Variants in GPATCH8 observed in about 807,000 individuals in gnomAD.
GPATCH8 encodes G-patch domain containing 8, also known as G patch domain-containing protein 8.
GPATCH8 carries 18 observed loss-of-function variants against 118.3 expected under a neutral mutation model. The ratio of observed to expected loss-of-function variants is 0.15; its 90% CI spans 0.11 to 0.23. The LOEUF is 0.23. Ranked by LOEUF, GPATCH8 falls within the 10% of genes least tolerant of loss-of-function variation. The pLI is 1.00. For missense variants in GPATCH8, 1,631 were observed against 1,873.8 expected (o/e 0.87, Z 2.39); for synonymous variants, 659 against 684.7 (o/e 0.96, Z 0.59).
chr17:44,405,378 T>G (rs1266947624), intron 7 of GPATCH8, among the ~76,000 whole-genome samples: 3 of 151,788 alleles, frequency 2.0e-5, no homozygotes, highest in Non-Finnish European at 4.4e-5. Flanking sequence ...CCGGCTAATT[T>G]TGTATTTTTA....
intron 7 of GPATCH8, among the ~76,000 whole-genome samples, chr17:44,404,294 T>C (rs1161675588): frequency 1.3e-5 from 2 of 151,892 alleles, no homozygotes; most frequent in Non-Finnish European, 2.9e-5. Flanking sequence ...TGTGCCACCA[T>C]GCCCGGCTAA....
At chr17:44,426,045 T>C (rs951911777) in intron 5 of GPATCH8, among the ~76,000 whole-genome samples, 12 of 151,956 alleles carry the variant, frequency 7.9e-5, no homozygotes, top group African/African-American at 2.9e-4. Context: ...ATGAGGGAAA[T>C]GTAGTAGAAG....
chr17:44,401,398 C>T lies in GPATCH8; in HGVS notation c.679G>A (p.Gly227Ser). The T allele has an allele frequency of 6.2e-7, 1 of 1,613,236 alleles. No individual in the cohort carries two copies. Among genetic ancestry groups the T allele is most frequent in the Non-Finnish European group, 8.5e-7 (1 of 1,179,190 alleles). ...GATTCATCTTTATCATCTTCTCCAC[C>T]TTCTTCATCTACAGCCACTGTGGTT... ...KPTTVAVDEE[G>S]GEDDKDESAT... The change falls in exon 8 of 8, where the codon GGT becomes AGT. Residue 227 changes from glycine to serine, a missense_variant. Coordinates refer to ENST00000591680, the MANE Select transcript of GPATCH8 (RefSeq NM_001002909.4).
intron 5 of GPATCH8, among the ~76,000 whole-genome samples, chr17:44,430,806 CTTTTT>C (rs369020719): frequency 7.7e-6 from 1 of 129,560 alleles, no homozygotes; most frequent in South Asian, 2.6e-4. Flanking sequence ...CCACGCCCAG[CTTTTT>C]TTTTTTTTTT....
chr17:44,413,162 T>A (rs550663157), intron 6 of GPATCH8, among the ~76,000 whole-genome samples: 1 of 152,326 alleles, frequency 6.6e-6, no homozygotes, highest in African/African-American at 2.4e-5. Context: ...TGATGAAAAT[T>A]AATTTTATTC....
At chr17:44,401,593 C>A in intron 7 of GPATCH8, 140 bp from the exon 8 acceptor site, 1 of 693,184 alleles carries the variant, frequency 1.4e-6, no homozygotes, top group Admixed American at 2.1e-5. Flanking sequence ...GTCATATTCC[C>A]TAGCCCTATA....
At chr17:44,472,398 A>T (rs1967356069) in intron 2 of GPATCH8, among the ~76,000 whole-genome samples, 1 of 152,240 alleles carries the variant, frequency 6.6e-6, no homozygotes, top group Non-Finnish European at 1.5e-5. Context: ...AAATAGCATT[A>T]GCCTCATGTG....
intron 6 of GPATCH8, among the ~76,000 whole-genome samples, chr17:44,416,127 G>A (rs115597376): frequency 3.5e-3 from 533 of 152,176 alleles, no homozygotes; most frequent in African/African-American, 0.012. Flanking sequence ...CTCAGCCTCC[G>A]AGCAGCTAGG....
At chr17:44,455,840 T>A (rs563577976) in intron 3 of GPATCH8, among the ~76,000 whole-genome samples, 247 of 152,244 alleles carry the variant, frequency 1.6e-3, no homozygotes, top group African/African-American at 5.8e-3. Flanking sequence ...CTCCGCCTCC[T>A]GGGTTCAAGC....
At chr17:44,430,894 G>A (rs1191165225) in intron 5 of GPATCH8, among the ~76,000 whole-genome samples, 9 of 146,882 alleles carry the variant, frequency 6.1e-5, no homozygotes, top group African/African-American at 2.0e-4. Context: ...CAAGTGACCC[G>A]CCCACCTTGG....
chr17:44,429,359 T>C (rs1351845607), intron 5 of GPATCH8, among the ~76,000 whole-genome samples: 1 of 152,178 alleles, frequency 6.6e-6, no homozygotes, highest in Non-Finnish European at 1.5e-5. Flanking sequence ...CTAAAGTATA[T>C]TGCTTTAAGA....
intron 6 of GPATCH8, among the ~76,000 whole-genome samples, chr17:44,415,994 G>C (rs2049665308): frequency 6.6e-6 from 1 of 152,170 alleles, no homozygotes; most frequent in Non-Finnish European, 1.5e-5. Flanking sequence ...AGCAGAAGGG[G>C]ATTTTTTCAA....
intron 7 of GPATCH8, among the ~76,000 whole-genome samples, chr17:44,402,798 C>A (rs1385861073): frequency 3.3e-5 from 5 of 152,142 alleles, no homozygotes; most frequent in African/African-American, 1.2e-4. Context: ...CAAGCATTTG[C>A]TTTGGTTTTG....
chr17:44,475,241 G>A (rs1414314884), intron 1 of GPATCH8, among the ~76,000 whole-genome samples: 3 of 151,928 alleles, frequency 2.0e-5, no homozygotes, highest in Non-Finnish European at 2.9e-5. Flanking sequence ...TTAGCTGGCT[G>A]TGGTGGTGTG....
chr17:44,442,053 A>G, intron 3 of GPATCH8, among the ~76,000 whole-genome samples: 1 of 148,924 alleles, frequency 6.7e-6, no homozygotes, highest in Middle Eastern at 3.5e-3. Context: ...AAAATAAAAT[A>G]AAATAATATA....
chr17:44,495,398 A>G (rs996703999), intron 1 of GPATCH8, among the ~76,000 whole-genome samples: 1 of 152,060 alleles, frequency 6.6e-6, no homozygotes, highest in Non-Finnish European at 1.5e-5. Context: ...TCCTTTACTT[A>G]GAGTTATGCA....
chr17:44,427,775 A>T (rs183176267), intron 5 of GPATCH8, among the ~76,000 whole-genome samples: 10 of 152,342 alleles, frequency 6.6e-5, no homozygotes, highest in African/African-American at 2.4e-4. Context: ...TATATGATAG[A>T]GTTTTTAAAA....
chr17:44,461,963 G>T (rs1386683493), intron 3 of GPATCH8, among the ~76,000 whole-genome samples: 1 of 152,096 alleles, frequency 6.6e-6, no homozygotes, highest in Admixed American at 6.5e-5. Context: ...ACCTCCCAAA[G>T]TGCTGAGGTT....
rs1432207429 is a variant in GPATCH8 at position 44,436,657 on chromosome 17, A to G, written c.194-112T>C. 1.3e-5 allele frequency: 10 copies of G among 743,872 alleles called. No homozygotes were observed. The East Asian group carries it at 2.6e-4, about 19-fold the overall frequency. The allele number at this position is 743,872 out of a possible 1,614,324, so 46.1% of individuals were successfully genotyped here. Reference sequence around the variant, plus strand: ...TTGCCTTGGAGTGCAGAGACCAGAAAGCTACAGTGAACCAAACACAAGCCA... The same window carrying G: ...TTGCCTTGGAGTGCAGAGACCAGAAGGCTACAGTGAACCAAACACAAGCCA... On this transcript the variant is annotated intron_variant, in intron 3 of 7. Transcript: ENST00000591680.
Sources: allele counts gnomAD v4.1 joint callset (sites outside exome capture counted in the v4.1 genomes callset), GRCh38; gene constraint gnomAD v4.1.1; transcripts MANE v1.5; gene names NCBI Gene and HGNC (gene_info 2026-07-23, HGNC 2026-07-21).